Variants in EPHA6 observed in about 807,000 individuals in gnomAD.
The protein encoded by EPHA6 is EPH receptor A6, also known as ephrin type-A receptor 6.
Under a neutral mutation model 112.0 loss-of-function variants are expected in EPHA6, and 50 were observed. The ratio of observed to expected loss-of-function variants is 0.45; its 90% CI spans 0.36 to 0.56. The LOEUF (loss-of-function observed/expected upper bound fraction) is 0.56, where lower values mean the gene tolerates loss of function less well. Ranked by LOEUF, EPHA6 falls within the 20% of genes least tolerant of loss-of-function variation. The probability of loss-of-function intolerance (pLI) is 0.00; values close to 1 mark genes in which losing one functional copy is unlikely to be tolerated. For synonymous variants in EPHA6, 529 were observed against 490.7 expected (o/e 1.08, Z -1.03); for missense variants, 1,280 against 1,417.4 (o/e 0.90, Z 1.56).
At chr3:97,389,085 A>G (rs988890376) in intron 5 of EPHA6, among the ~76,000 whole-genome samples, 1 of 152,224 alleles carries the variant, frequency 6.6e-6, no homozygotes, top group Non-Finnish European at 1.5e-5. Flanking sequence ...AACAGGCTAC[A>G]AATACAAATC....
At chr3:97,747,271 T>C (rs1013694961) in intron 16 of EPHA6, among the ~76,000 whole-genome samples, 152 bp from the exon 17 acceptor site, 8 of 151,988 alleles carry the variant, frequency 5.3e-5, no homozygotes, top group Admixed American at 2.6e-4. Context: ...AAGTGACTGA[T>C]TTGAATAAGA....
intron 5 of EPHA6, among the ~76,000 whole-genome samples, chr3:97,293,318 G>T (rs567380709): frequency 6.6e-6 from 1 of 151,718 alleles, no homozygotes; most frequent in Non-Finnish European, 1.5e-5. Context: ...AGCTCTCAGC[G>T]GAGAGGAGAC....
At chr3:97,396,738 C>T (rs1172578329) in intron 5 of EPHA6, among the ~76,000 whole-genome samples, 2 of 151,658 alleles carry the variant, frequency 1.3e-5, no homozygotes, top group African/African-American at 2.4e-5. Flanking sequence ...TAAAGACAGT[C>T]TCCATTCCAT....
chr3:96,954,421 A>T (rs565687759), intron 2 of EPHA6, among the ~76,000 whole-genome samples: 1 of 152,264 alleles, frequency 6.6e-6, no homozygotes, highest in African/African-American at 2.4e-5. Flanking sequence ...CCCTTGTCAC[A>T]CTGGCCCCTT....
At chr3:97,487,961 C>T (rs954108205) in intron 10 of EPHA6, among the ~76,000 whole-genome samples, 2 of 152,136 alleles carry the variant, frequency 1.3e-5, no homozygotes, top group Non-Finnish European at 2.9e-5. Context: ...TATGAGAAAA[C>T]GGTAAACAAT....
At chr3:97,688,928 GTTTT>G in intron 14 of EPHA6, among the ~76,000 whole-genome samples, 1 of 152,182 alleles carries the variant, frequency 6.6e-6, no homozygotes, top group South Asian at 2.1e-4. Flanking sequence ...GTATTTTTAA[GTTTT>G]TTATTATTCA....
At chr3:97,387,738 A>G (rs759122814) in intron 5 of EPHA6, among the ~76,000 whole-genome samples, 13 of 152,148 alleles carry the variant, frequency 8.5e-5, no homozygotes, top group Non-Finnish European at 1.8e-4. Flanking sequence ...ATGTATCTTT[A>G]TAGCAATTCA....
intron 2 of EPHA6, among the ~76,000 whole-genome samples, chr3:96,903,997 A>G (rs568171543): frequency 2.0e-5 from 3 of 152,312 alleles, no homozygotes; most frequent in South Asian, 4.1e-4. Flanking sequence ...AAACACTTTT[A>G]CAGTGTTGGT....
chr3:97,146,441 C>A (rs2076044634), intron 3 of EPHA6, among the ~76,000 whole-genome samples: 1 of 151,784 alleles, frequency 6.6e-6, no homozygotes. Context: ...CATCTCTCTC[C>A]TTAACTCTTG....
intron 4 of EPHA6, among the ~76,000 whole-genome samples, chr3:97,237,505 T>G (rs2078715201): frequency 6.6e-6 from 1 of 151,956 alleles, no homozygotes; most frequent in Non-Finnish European, 1.5e-5. Context: ...AGTTACCACT[T>G]GTTGCCAGTA....
chr3:97,716,821 G>T (rs4857287), intron 14 of EPHA6, among the ~76,000 whole-genome samples: 7,138 of 152,182 alleles, frequency 0.047, 286 homozygotes, highest in East Asian at 0.13. Flanking sequence ...ATATTATCAT[G>T]CATTTTGTTA....
intron 3 of EPHA6, among the ~76,000 whole-genome samples, chr3:97,122,829 T>C (rs1021714637): frequency 2.6e-5 from 4 of 152,060 alleles, no homozygotes; most frequent in Admixed American, 1.3e-4. Context: ...CATGTATGTG[T>C]ATAAAATATA....
At chr3:97,389,946 A>G (rs1276227859) in intron 5 of EPHA6, among the ~76,000 whole-genome samples, 4 of 152,146 alleles carry the variant, frequency 2.6e-5, no homozygotes, top group South Asian at 2.1e-4. Context: ...AGAAAACACA[A>G]ACTTCTTCTC....
chr3:97,587,208 C>A (rs1024405648), intron 11 of EPHA6, among the ~76,000 whole-genome samples: 5 of 151,694 alleles, frequency 3.3e-5, no homozygotes, highest in Non-Finnish European at 1.5e-5. Context: ...AAGATCACCC[C>A]TTAGCCTGGG....
chr3:97,118,413 T>C (rs2047953894), intron 3 of EPHA6, among the ~76,000 whole-genome samples: 1 of 151,962 alleles, frequency 6.6e-6, no homozygotes. Flanking sequence ...AGCTGTCTAA[T>C]GTGTACAGTA....
chr3:97,733,558 T>A (rs754873555), intron 15 of EPHA6, among the ~76,000 whole-genome samples: 4 of 152,062 alleles, frequency 2.6e-5, no homozygotes, highest in African/African-American at 4.8e-5. Context: ...ATAATATTTA[T>A]TAATGTGTCA....
rs2035862397 is a variant in EPHA6 at position 97,750,181 on chromosome 3, G to C, written c.*1480G>C. On this transcript the variant is annotated 3_prime_UTR_variant, in exon 18 of 18. Coordinates refer to ENST00000389672, the MANE Select transcript of EPHA6 (RefSeq NM_001080448.3). ...TGTGTTGAGAGAAAAAAACAGAGTA[G>C]GTTGTCTAAAGATGCTGATTTAATA... 6.6e-6 allele frequency among the ~76,000 whole-genome samples: 1 copy of C among 151,982 alleles called. No individual in the cohort carries two copies. Among genetic ancestry groups the C allele is most frequent in the African/African-American group, 2.4e-5 (1 of 41,356 alleles).
At chr3:97,361,475 TAACATAATACCTGAAACTGGGCAATTTA>T (rs1171812524) in intron 5 of EPHA6, among the ~76,000 whole-genome samples, 4 of 152,190 alleles carry the variant, frequency 2.6e-5, no homozygotes, top group African/African-American at 9.7e-5. Flanking sequence ...CTGTTGCTTA[TAACATAATACCTGAAACTGGGCAATTTA>T]AAAAGAATTT....
chr3:96,820,546 A>T (rs1002686023), intron 1 of EPHA6, among the ~76,000 whole-genome samples: 3 of 152,112 alleles, frequency 2.0e-5, no homozygotes, highest in Non-Finnish European at 4.4e-5. Context: ...GCCCAGATTA[A>T]TTTTTCATTA....
Sources: gnomAD v4.1 joint callset for allele counts (sites outside exome capture counted in the v4.1 genomes callset) on GRCh38, gnomAD v4.1.1 for gene constraint, MANE v1.5 for transcripts, NCBI Gene and HGNC (gene_info 2026-07-23, HGNC 2026-07-21) for gene names.